KMT2A: variants seen among roughly 807,000 people sequenced by gnomAD.
KMT2A encodes the protein lysine methyltransferase 2A, also known as histone-lysine N-methyltransferase 2A.
In KMT2A, 16 loss-of-function variants were observed where a neutral mutation model predicts 345.3. That is an observed-to-expected ratio of 0.05 (90% CI 0.03 to 0.07). The LOEUF (loss-of-function observed/expected upper bound fraction) is 0.07. Among genes scored for constraint, KMT2A ranks in the 10% least tolerant of loss-of-function variants. The pLI is 1.00. For synonymous variants in KMT2A, 1,599 were observed against 1,778.6 expected (o/e 0.90, Z 2.54); for missense variants, 3,272 against 4,841.6 (o/e 0.68, Z 9.62).
chr11:118,457,490 C>T (rs1949668343), intron 1 of KMT2A, among the ~76,000 whole-genome samples: 1 of 151,638 alleles, frequency 6.6e-6, no homozygotes, highest in African/African-American at 2.4e-5. Flanking sequence ...CCAAGCTGGT[C>T]TCAAACTCCT....
Position 118,502,741 on chromosome 11 carries a change from G to GAAA in KMT2A, c.6849_6850insAAA (p.Leu2283_Asp2284insLys). The GAAA allele has an allele frequency of 6.2e-7, 1 of 1,614,146 alleles. No individual in the cohort carries two copies. Among genetic ancestry groups the GAAA allele is most frequent in the Non-Finnish European group, 8.5e-7 (1 of 1,180,034 alleles). On this transcript the variant is annotated inframe_insertion, in exon 27 of 36. Coordinates refer to ENST00000534358, the MANE Select transcript of KMT2A (RefSeq NM_001197104.2). This position sits in a 1 kb window ranked among gnomAD's most constrained non-coding sequence, Gnocchi z 4.9. Reference sequence around the variant, plus strand: ...CTGTAGGCAATAAAAACAGTCACTTGGATGGATCTTCATCTTCAGAAATGA... The same window carrying GAAA: ...CTGTAGGCAATAAAAACAGTCACTTGAAAGATGGATCTTCATCTTCAGAAATGA...
chr11:118,485,147 G>A (rs1214775226), intron 10 of KMT2A, among the ~76,000 whole-genome samples, 172 bp downstream of exon 10: 1 of 152,180 alleles, frequency 6.6e-6, no homozygotes, highest in African/African-American at 2.4e-5. Context: ...TGCTATTAGA[G>A]TAGCAAAGTT....
Position 118,494,745 on chromosome 11 carries a change from G to A in KMT2A, c.5341G>A (p.Glu1781Lys), listed in dbSNP as rs1187648821. 2.5e-6 allele frequency: 4 copies of A among 1,613,840 alleles called. No individual in the cohort carries two copies. Among genetic ancestry groups the A allele is most frequent in the Non-Finnish European group, 3.4e-6 (4 of 1,179,848 alleles). The change falls in exon 18 of 36, where the codon GAG becomes AAG. Residue 1781 changes from glutamate to lysine, a missense_variant. Physicochemically the swap from Glu to Lys is moderately conservative, Grantham distance 56 (BLOSUM62 1). Transcript: ENST00000534358. This position sits in a 1 kb window ranked among gnomAD's most constrained non-coding sequence, Gnocchi z 5.8. ...CAGTGTCAAAAAGTCCAGGTTTTGG[G>A]AGCCAAATAAAGTATCAAGCAAGTA... The part of the protein sequence containing the change: ...WFSVKKSRFW[E>K]PNKVSSNSGM...
At position 118,490,300 on chromosome 11, in the gene KMT2A, C is replaced by T. The variant is rs782022579; in HGVS notation, c.4696+51C>T. The T allele has an allele frequency of 1.1e-4, 173 of 1,505,742 alleles. No individual in the cohort carries two copies. The highest frequency in any genetic ancestry group is 5.6e-4 in the Admixed American group (22 of 39,630). 93.3% of individuals were successfully genotyped at this position (1,505,742 alleles called of 1,614,324 possible). A position where few individuals can be genotyped will look rare whatever the true frequency, so the allele number is the denominator to read the frequency against. ...GCTTTCGGAGGTTGTACTTGGTGTT[C>T]TGGAGGTGAACTAGACTCTAGTGAA... is the stretch of plus-strand genomic sequence containing the variant. On this transcript the variant is annotated intron_variant, in intron 13 of 35. Transcript: ENST00000534358. The surrounding 1 kb of genome is among the most constrained non-coding windows in gnomAD (Gnocchi z 4.2).
chr11:118,504,725 C>G lies in KMT2A; in HGVS notation c.8833C>G (p.Pro2945Ala). 1 of 1,614,118 alleles carries G rather than the reference C, an allele frequency of 6.2e-7. No homozygotes were observed. Among genetic ancestry groups the G allele is most frequent in the Non-Finnish European group, 8.5e-7 (1 of 1,180,012 alleles). Residue 2945 changes from proline (P) to alanine (A), a missense_variant, in exon 27 of 36, where the codon CCC becomes GCC. By Grantham distance (27) the Pro-to-Ala change is conservative. This residue lies in a region of KMT2A where 748 missense variants were observed against 922.2 expected (regional missense o/e 0.81). Coordinates refer to ENST00000534358, the MANE Select transcript of KMT2A (RefSeq NM_001197104.2). The surrounding 1 kb of genome is among the most constrained non-coding windows in gnomAD (Gnocchi z 6.4). Reference sequence around the variant, plus strand: ...CTTGACCACCCGGAGTCCCACTGTCCCCAGCCAGAATCCCAGTAGACTAGC... The same window carrying G: ...CTTGACCACCCGGAGTCCCACTGTCGCCAGCCAGAATCCCAGTAGACTAGC... ...SVLTTRSPTVPSQNPSRLAVI... is the reference protein window; with the variant it reads ...SVLTTRSPTVASQNPSRLAVI...
intron 31 of KMT2A, among the ~76,000 whole-genome samples, chr11:118,514,868 G>C (rs782528203): frequency 2.0e-5 from 3 of 152,024 alleles, no homozygotes; most frequent in Non-Finnish European, 4.4e-5. Flanking sequence ...CCTGACCTCA[G>C]GTAATCTGCC....
Position 118,437,516 on chromosome 11 carries a change from T to TC in KMT2A, c.432+577dup, listed in dbSNP as rs1221834047. On this transcript the variant is annotated intron_variant, in intron 1 of 35. Coordinates refer to ENST00000534358, the MANE Select transcript of KMT2A (RefSeq NM_001197104.2). ...GCCAGGTCCCTATACTGCCAGCCACTCCCCCTTCCTTCACCTCCACCCTCT... is the reference window on the plus strand; with the variant it reads ...GCCAGGTCCCTATACTGCCAGCCACTCCCCCCTTCCTTCACCTCCACCCTCT... 4.6e-5 allele frequency among the ~76,000 whole-genome samples: 6 copies of TC among 131,350 alleles called. No individual in the cohort carries two copies. The East Asian group carries it at 1.3e-3, about 28-fold the overall frequency. 86.2% of individuals were successfully genotyped at this position (131,350 alleles called of 152,430 possible).
At chr11:118,442,140 A>G (rs1949327679) in intron 1 of KMT2A, among the ~76,000 whole-genome samples, 1 of 152,186 alleles carries the variant, frequency 6.6e-6, no homozygotes, top group African/African-American at 2.4e-5. Context: ...TCTAGCACTT[A>G]ACTGAAGGCC....
At chr11:118,453,185 T>A (rs1456074794) in intron 1 of KMT2A, among the ~76,000 whole-genome samples, 3 of 152,224 alleles carry the variant, frequency 2.0e-5, no homozygotes, top group African/African-American at 7.2e-5. Flanking sequence ...GCAAAACTCC[T>A]TGAAAGTGCT....
chr11:118,491,412 G>A lies in KMT2A; in HGVS notation c.4819+94G>A. The A allele has an allele frequency of 8.1e-7, 1 of 1,229,168 alleles. No individual in the cohort carries two copies. The highest frequency in any genetic ancestry group is 1.1e-6 in the Non-Finnish European group (1 of 888,928). The allele number at this position is 1,229,168 out of a possible 1,614,324, so 76.1% of individuals were successfully genotyped here. ...TTAAACCTAAAATTATGGTTGTGTT[G>A]TTATTTGAAATCTCTAAATTTATTT... On this transcript the variant is annotated intron_variant, in intron 14 of 35. Transcript: ENST00000534358. This position sits in a 1 kb window ranked among gnomAD's most constrained non-coding sequence, Gnocchi z 4.2.
rs2135283870 is a variant in KMT2A at position 118,519,765 on chromosome 11, G to A, written c.11294G>A (p.Gly3765Asp). ...AATGAACCCCCCTTGAACCCTCACG[G>A]CTCAGCCAGGGCTGAAGTCCACCTC... is the stretch of plus-strand genomic sequence containing the variant. ...EANEPPLNPH[G>D]SARAEVHLRK... is the part of the protein sequence containing the mutation. Residue 3765 changes from glycine (G) to aspartate (D), a missense_variant, in exon 32 of 36, where the codon GGC becomes GAC. By Grantham distance (94) the Gly-to-Asp change is moderately conservative. Around this residue, in one of 27 missense-constraint regions of KMT2A, gnomAD observed 72 missense variants for 135.6 expected, o/e 0.53. Coordinates refer to ENST00000534358, the MANE Select transcript of KMT2A (RefSeq NM_001197104.2). 2 of 1,613,804 alleles carry A rather than the reference G, an allele frequency of 1.2e-6. No homozygotes were observed. The highest frequency in any genetic ancestry group is 1.7e-6 in the Non-Finnish European group (2 of 1,179,716).
chr11:118,447,555 G>T (rs918241376), intron 1 of KMT2A: 1 of 336,462 alleles, frequency 3.0e-6, no homozygotes, highest in Middle Eastern at 3.8e-4. Flanking sequence ...TGATGGGATG[G>T]CATTATCTTT....
At chr11:118,483,606 G>GC (rs1555040052) in intron 8 of KMT2A, among the ~76,000 whole-genome samples, 1 of 151,994 alleles carries the variant, frequency 6.6e-6, no homozygotes, top group Non-Finnish European at 1.5e-5. Context: ...CTTCTTTGTG[G>GC]CCCCACATGT....
chr11:118,520,906 A>G lies in KMT2A; in HGVS notation c.11513+21A>G. 4 of 1,564,652 alleles carry G rather than the reference A, an allele frequency of 2.6e-6. No individual in the cohort carries two copies. Among genetic ancestry groups the G allele is most frequent in the South Asian group, 1.1e-5 (1 of 89,966 alleles). Reference sequence around the variant, plus strand: ...TACAGGTATGACTAAAATTCTAGAAAGAATTACAGAAAACGAATGCAGTTT... The same window carrying G: ...TACAGGTATGACTAAAATTCTAGAAGGAATTACAGAAAACGAATGCAGTTT... On this transcript the variant is annotated intron_variant, in intron 34 of 35. Coordinates refer to ENST00000534358, the MANE Select transcript of KMT2A (RefSeq NM_001197104.2). This position sits in a 1 kb window ranked among gnomAD's most constrained non-coding sequence, Gnocchi z 4.3.
chr11:118,508,535 G>A (rs1212150958), intron 28 of KMT2A, among the ~76,000 whole-genome samples: 1 of 152,124 alleles, frequency 6.6e-6, no homozygotes, highest in Non-Finnish European at 1.5e-5. Context: ...CCAGGAGTTT[G>A]AAACCAACCT....
chr11:118,505,249 G>A lies in KMT2A; in HGVS notation c.9357G>A (p.Glu3119=), dbSNP rs782070012. The part of the protein sequence containing the change: ...SSVSSTPSVM[E]TNTSVLGPMG... ...TTAGTTCTACACCCAGTGTGATGGAGACAAATACTTCAGTATTGGGACCCA... is the reference window on the plus strand; with the variant it reads ...TTAGTTCTACACCCAGTGTGATGGAAACAAATACTTCAGTATTGGGACCCA... Residue 3119 remains glutamate, a synonymous_variant, in exon 27 of 36, where the codon GAG becomes GAA. Transcript: ENST00000534358. This position sits in a 1 kb window ranked among gnomAD's most constrained non-coding sequence, Gnocchi z 4.6. 2 of 1,614,076 alleles carry A rather than the reference G, an allele frequency of 1.2e-6. No individual in the cohort carries two copies. Among genetic ancestry groups the A allele is most frequent in the African/African-American group, 1.3e-5 (1 of 75,034 alleles).
Position 118,476,861 on chromosome 11 carries a change from C to T in KMT2A, c.3213C>T (p.Val1071=). 6.2e-7 allele frequency: 1 copy of T among 1,614,204 alleles called. No individual in the cohort carries two copies. The highest frequency in any genetic ancestry group is 8.5e-7 in the Non-Finnish European group (1 of 1,180,014). The part of the protein sequence containing the change: ...TSVRGPRIKH[V]CRRAAVALGR... ...TGCGAGGACCCCGGATTAAACATGT[C>T]TGCAGAAGAGCAGCTGTTGCCCTTG... Residue 1071 remains valine (V), a synonymous_variant, in exon 4 of 36, where the codon GTC becomes GTT. Transcript: ENST00000534358. The surrounding 1 kb of genome is among the most constrained non-coding windows in gnomAD (Gnocchi z 4.1).
chr11:118,444,002 A>G (rs1031362935), intron 1 of KMT2A, among the ~76,000 whole-genome samples: 2 of 152,224 alleles, frequency 1.3e-5, no homozygotes, highest in Non-Finnish European at 2.9e-5. Context: ...CACTTGTATT[A>G]TCTATGCTTT....
chr11:118,515,000 C>A (rs1950779836), intron 31 of KMT2A, among the ~76,000 whole-genome samples: 12 of 152,216 alleles, frequency 7.9e-5, no homozygotes, highest in Admixed American at 6.5e-4. Context: ...AACTCCTGAG[C>A]TTGTGATCTG....
Sources: gnomAD v4.1 joint callset for allele counts (sites outside exome capture counted in the v4.1 genomes callset) on GRCh38, gnomAD v4.1.1 for gene constraint, gnomAD v4.1.1 regional missense constraint, Gnocchi (gnomAD v3.1) non-coding constraint, MANE v1.5 for transcripts, NCBI Gene and HGNC (gene_info 2026-07-23, HGNC 2026-07-21) for gene names.